The following CYP4Z1 variants were observed in gnomAD, a reference collection of about 807,000 sequenced individuals.
CYP4Z1 encodes cytochrome P450 family 4 subfamily Z member 1.
Under a neutral mutation model 54.2 loss-of-function variants are expected in CYP4Z1, and 41 were observed. The observed-to-expected ratio is 0.76, with a 90% CI of 0.59 to 0.98. CYP4Z1 has a LOEUF of 0.98. Ranked by LOEUF, CYP4Z1 falls within the 50% of genes least tolerant of loss-of-function variation. The pLI, the probability that CYP4Z1 is intolerant of heterozygous loss-of-function variation, is 0.00. For missense variants in CYP4Z1, 513 were observed against 599.0 expected (o/e 0.86, Z 1.50); for synonymous variants, 163 against 206.2 (o/e 0.79, Z 1.79).
chr1:47,107,558 C>T (rs1275911508), intron 9 of CYP4Z1, among the ~76,000 whole-genome samples: 2 of 152,150 alleles, frequency 1.3e-5, no homozygotes, highest in African/African-American at 4.8e-5. Context: ...TCCAACAAAA[C>T]AGCTCAGAGT....
chr1:47,110,607 T>A lies in CYP4Z1; in HGVS notation c.1201+4346T>A, dbSNP rs185537509. Among the ~76,000 whole-genome samples, 175 of 152,296 alleles carry A rather than the reference T, an allele frequency of 1.1e-3. 3 individuals are homozygous for A. Among genetic ancestry groups the A allele is most frequent in the Admixed American group, 7.9e-3 (120 of 15,286 alleles). On this transcript the variant is annotated intron_variant, in intron 9 of 11. Coordinates refer to ENST00000334194, the MANE Select transcript of CYP4Z1 (RefSeq NM_178134.3). ...TTTGAGACTCACCCAAAGGAGCTAA[T>A]AATTGATGAGCCTGTGAATCATACT...
intron 2 of CYP4Z1, among the ~76,000 whole-genome samples, chr1:47,068,965 C>T (rs1481048516): frequency 6.6e-6 from 1 of 152,186 alleles, no homozygotes; most frequent in Non-Finnish European, 1.5e-5. Flanking sequence ...GATCCATTTT[C>T]AAGCAATCTT....
At chr1:47,109,881 A>G (rs1288620113) in intron 9 of CYP4Z1, among the ~76,000 whole-genome samples, 5 of 152,100 alleles carry the variant, frequency 3.3e-5, no homozygotes, top group African/African-American at 4.8e-5. Flanking sequence ...GCCAAAAAAA[A>G]AAAAAAAGAT....
chr1:47,114,420 G>T (rs1420674475), intron 9 of CYP4Z1, among the ~76,000 whole-genome samples: 1 of 152,090 alleles, frequency 6.6e-6, no homozygotes, highest in Non-Finnish European at 1.5e-5. Context: ...AAAAGCAATG[G>T]CAACAAAAGC....
intron 10 of CYP4Z1, among the ~76,000 whole-genome samples, chr1:47,116,197 T>C (rs1644828799): frequency 6.6e-6 from 1 of 151,950 alleles, no homozygotes; most frequent in Non-Finnish European, 1.5e-5. Flanking sequence ...CAACTTCAGC[T>C]TGTGACTTCA....
At chr1:47,068,789 A>G (rs1197952289) in intron 2 of CYP4Z1, 26 bp downstream of exon 2, 2 of 1,610,328 alleles carry the variant, frequency 1.2e-6, no homozygotes, top group Non-Finnish European at 1.7e-6. Context: ...GGCTCACAGT[A>G]CAGAGCAGCA....
chr1:47,101,224 T>C (rs1325994620), intron 8 of CYP4Z1, among the ~76,000 whole-genome samples: 1 of 152,160 alleles, frequency 6.6e-6, no homozygotes, highest in East Asian at 1.9e-4. Flanking sequence ...ATCCTTGCAT[T>C]GTTCTTTTAA....
At chr1:47,057,888 A>C in the CYP4Z1 span, among the ~76,000 whole-genome samples, 1 of 151,960 alleles carries the variant, frequency 6.6e-6, no homozygotes, top group Admixed American at 6.6e-5. Context: ...TTAATTGAAT[A>C]CTGGACATGG....
chr1:47,098,333 C>T (rs1219159706), intron 7 of CYP4Z1, among the ~76,000 whole-genome samples: 1 of 152,184 alleles, frequency 6.6e-6, no homozygotes, highest in Non-Finnish European at 1.5e-5. Context: ...AGGTCCTTCA[C>T]TTCCCCTGTT....
At chr1:47,074,933 T>C (rs1157020662) in intron 2 of CYP4Z1, 4 of 431,738 alleles carry the variant, frequency 9.3e-6, no homozygotes, top group African/African-American at 8.3e-5. Flanking sequence ...ATACCAACCT[T>C]AAAGCCAATG....
rs766602882 is a variant in CYP4Z1, at chr1:47,106,219, G to T, written c.1159G>T (p.Asp387Tyr). The T allele has an allele frequency of 6.2e-7, 1 of 1,613,152 alleles. No homozygotes were observed. Among genetic ancestry groups the T allele is most frequent in the East Asian group, 2.2e-5 (1 of 44,824 alleles). ...APVVNISRLL[D>Y]KPITFPDGRS... Reference sequence around the variant, plus strand: ...GGTAGTAAACATATCCCGGTTACTCGACAAACCCATCACCTTTCCAGATGG... The same window carrying T: ...GGTAGTAAACATATCCCGGTTACTCTACAAACCCATCACCTTTCCAGATGG... Residue 387 changes from aspartate (D) to tyrosine (Y), a missense_variant, in exon 9 of 12, where the codon GAC (aspartate) becomes TAC (tyrosine). Coordinates refer to ENST00000334194, the MANE Select transcript of CYP4Z1 (RefSeq NM_178134.3).
At chr1:47,061,342 AAG>A in the CYP4Z1 span, among the ~76,000 whole-genome samples, 1 of 152,156 alleles carries the variant, frequency 6.6e-6, no homozygotes, top group South Asian at 2.1e-4. Flanking sequence ...AGAAATAACA[AAG>A]AGGATGCTAC....
rs567037203 is a variant in CYP4Z1, at chr1:47,096,480, C to A, written c.876+1811C>A. Reference sequence around the variant, plus strand: ...ACACTGTTTTTATTTTGAGTTAATACCTTTTTTCTTTTTGATTTCCAACTC... The same window carrying A: ...ACACTGTTTTTATTTTGAGTTAATAACTTTTTTCTTTTTGATTTCCAACTC... On this transcript the variant is annotated intron_variant, in intron 7 of 11. Coordinates refer to ENST00000334194, the MANE Select transcript of CYP4Z1 (RefSeq NM_178134.3). Among the ~76,000 whole-genome samples, 3 of 152,178 alleles carry A rather than the reference C, an allele frequency of 2.0e-5. No homozygotes were observed. In the South Asian group the frequency reaches 6.2e-4, roughly 32 times the overall value.
At chr1:47,075,873 T>C (rs1326507673) in intron 2 of CYP4Z1, 1 of 152,722 alleles carries the variant, frequency 6.5e-6, no homozygotes, top group South Asian at 2.1e-4. Flanking sequence ...TCTTGTCTCT[T>C]GGCCTTGCCA....
At chr1:47,067,847 G>A (rs922433454) in intron 1 of CYP4Z1, among the ~76,000 whole-genome samples, 180 bp downstream of exon 1, 7 of 152,160 alleles carry the variant, frequency 4.6e-5, no homozygotes, top group Admixed American at 2.0e-4. Flanking sequence ...CTGTTTTACA[G>A]ATAAGAAAAC....
chr1:47,101,125 A>T (rs1225293050), intron 8 of CYP4Z1, among the ~76,000 whole-genome samples: 2 of 151,892 alleles, frequency 1.3e-5, no homozygotes, highest in Middle Eastern at 3.2e-3. Context: ...TTCTGGTTTT[A>T]TTTGGATCTT....
At chr1:47,083,733 C>T (rs1231075478) in intron 4 of CYP4Z1, among the ~76,000 whole-genome samples, 3 of 152,146 alleles carry the variant, frequency 2.0e-5, no homozygotes, top group South Asian at 2.1e-4. Context: ...CACCTCTCTT[C>T]GAGTCTAAGG....
chr1:47,059,698 A>G, the CYP4Z1 span, among the ~76,000 whole-genome samples: 4 of 152,186 alleles, frequency 2.6e-5, no homozygotes, highest in African/African-American at 9.7e-5. Flanking sequence ...CATACTGTGT[A>G]TGAGAAGAAC....
At position 47,099,284 on chromosome 1, in the gene CYP4Z1, G is replaced by T; in HGVS notation, c.1067G>T (p.Trp356Leu). 6.3e-7 allele frequency: 1 copy of T among 1,593,798 alleles called. No individual in the cohort carries two copies. The highest frequency in any genetic ancestry group is 8.5e-7 in the Non-Finnish European group (1 of 1,172,372). ...CTAGGGGATGGGTCTTCTATTACCT[G>T]GTAAGACCTGTATTCCTATTTCATC... ...ELLGDGSSIT[W>L]EHLSQMPYTT... Residue 356 changes from tryptophan (W) to leucine (L), a missense_variant and splice_region_variant, in exon 8 of 12, where the codon TGG becomes TTG. Coordinates refer to ENST00000334194, the MANE Select transcript of CYP4Z1 (RefSeq NM_178134.3).
Sources: allele counts gnomAD v4.1 joint callset (sites outside exome capture counted in the v4.1 genomes callset), GRCh38; gene constraint gnomAD v4.1.1; transcripts MANE v1.5; gene names NCBI Gene and HGNC (gene_info 2026-07-23, HGNC 2026-07-21).